The following KAZN variants were observed in gnomAD, a reference collection of about 807,000 sequenced individuals.
KAZN encodes the protein kazrin, periplakin interacting protein.
A neutral mutation model predicts 87.4 loss-of-function variants in KAZN; 40 were observed. That is an observed-to-expected ratio of 0.46 (90% CI 0.36 to 0.60). The LOEUF is 0.60. Ranked by LOEUF, KAZN falls within the 20% of genes least tolerant of loss-of-function variation. KAZN has a pLI of 0.00. For missense variants in KAZN, 898 were observed against 1,073.9 expected (o/e 0.84, Z 2.29); for synonymous variants, 466 against 458.3 (o/e 1.02, Z -0.22).
intron 1 of KAZN, among the ~76,000 whole-genome samples, chr1:14,882,838 T>C (rs1029660532): frequency 2.6e-5 from 4 of 152,154 alleles, no homozygotes; most frequent in African/African-American, 9.7e-5. Flanking sequence ...ATAACCCCTG[T>C]AAAGTAGGGA....
intron 2 of KAZN, among the ~76,000 whole-genome samples, chr1:14,372,230 T>C (rs1002391786): frequency 2.6e-5 from 4 of 152,230 alleles, no homozygotes; most frequent in African/African-American, 9.6e-5. Context: ...CATATAGCTA[T>C]AGTGTGGTTG....
At chr1:15,005,035 C>G (rs983456296) in intron 2 of KAZN, among the ~76,000 whole-genome samples, 1 of 152,142 alleles carries the variant, frequency 6.6e-6, no homozygotes, top group Non-Finnish European at 1.5e-5. Flanking sequence ...TGAGACCTCA[C>G]AGCCTCATAT....
intron 2 of KAZN, among the ~76,000 whole-genome samples, chr1:14,185,251 A>G (rs1205064756): frequency 6.6e-6 from 1 of 152,212 alleles, no homozygotes; most frequent in Non-Finnish European, 1.5e-5. Context: ...CAAGCAGGGA[A>G]GAAACTCTGA....
In KAZN at chr1:14,997,197, TTTCTTTCATTTA is replaced by T. The variant is rs934480644; in HGVS notation, c.418+36325_418+36336del. ...CACAGACTCTGTTTTCTTTTCTTTC[TTTCTTTCATTTA>T]TTTATTTATTTATTTATTTATTTAT... is the stretch of plus-strand genomic sequence containing the variant. On this transcript the variant is annotated intron_variant, in intron 2 of 14. Transcript: ENST00000376030. Among the ~76,000 whole-genome samples, 256 of 129,566 alleles carry T rather than the reference TTTCTTTCATTTA, an allele frequency of 2.0e-3. 2 individuals are homozygous for T. The highest frequency in any genetic ancestry group is 7.1e-3 in the East Asian group (33 of 4,654). 85.0% of individuals were successfully genotyped at this position (129,566 alleles called of 152,430 possible). A position where few individuals can be genotyped will look rare whatever the true frequency, so the allele number is the denominator to read the frequency against.
At chr1:14,903,573 G>A (rs1197806474) in intron 1 of KAZN, among the ~76,000 whole-genome samples, 1 of 152,190 alleles carries the variant, frequency 6.6e-6, no homozygotes, top group African/African-American at 2.4e-5. Context: ...AGGAGGCCGA[G>A]AATGTAAGGC....
At chr1:14,269,892 T>A (rs991115988) in intron 2 of KAZN, among the ~76,000 whole-genome samples, 15 of 152,212 alleles carry the variant, frequency 9.9e-5, no homozygotes, top group African/African-American at 3.6e-4. Flanking sequence ...GTTCATAGTA[T>A]CTCTGTCTGA....
At chr1:14,632,752 G>A (rs550205999) in intron 1 of KAZN, among the ~76,000 whole-genome samples, 17 of 152,042 alleles carry the variant, frequency 1.1e-4, no homozygotes, top group African/African-American at 4.1e-4. Context: ...ATTTCATCCC[G>A]CAGGTACCCT....
chr1:14,758,049 A>C (rs930157049), intron 1 of KAZN, among the ~76,000 whole-genome samples: 2 of 152,216 alleles, frequency 1.3e-5, no homozygotes, highest in Non-Finnish European at 2.9e-5. Context: ...CAACACAGGT[A>C]GATGGAATGG....
At chr1:14,899,400 C>T (rs1241267263) in intron 1 of KAZN, among the ~76,000 whole-genome samples, 5 of 152,098 alleles carry the variant, frequency 3.3e-5, no homozygotes, top group African/African-American at 9.7e-5. Flanking sequence ...TAGCTGCTGC[C>T]GGGACCTGAG....
At chr1:14,762,292 G>A (rs77126027) in intron 1 of KAZN, among the ~76,000 whole-genome samples, 151 of 152,286 alleles carry the variant, frequency 9.9e-4, no homozygotes, top group African/African-American at 3.6e-3. Flanking sequence ...CCTGGCCAGG[G>A]AGTGTTGAGA....
At chr1:14,431,254 A>C (rs754745634) in intron 2 of KAZN, among the ~76,000 whole-genome samples, 1 of 152,208 alleles carries the variant, frequency 6.6e-6, no homozygotes, top group Non-Finnish European at 1.5e-5. Flanking sequence ...TTTCTCATTT[A>C]ATCCTCAGAG....
At chr1:13,905,729 A>C (rs1639412870) in intron 1 of KAZN, among the ~76,000 whole-genome samples, 1 of 152,142 alleles carries the variant, frequency 6.6e-6, no homozygotes, top group African/African-American at 2.4e-5. Flanking sequence ...GAACAGCCAA[A>C]ATCTTAGTGT....
intron 1 of KAZN, among the ~76,000 whole-genome samples, chr1:14,754,851 A>G (rs1274216493): frequency 6.6e-6 from 1 of 152,068 alleles, no homozygotes; most frequent in Non-Finnish European, 1.5e-5. Context: ...GTGTGACCTT[A>G]TTCAGGTGAC....
chr1:14,532,435 C>G (rs995926364), intron 2 of KAZN, among the ~76,000 whole-genome samples: 1 of 146,880 alleles, frequency 6.8e-6, no homozygotes, highest in Non-Finnish European at 1.5e-5. Flanking sequence ...AACTGCTTTC[C>G]TGGTCAAAAA....
chr1:15,061,314 G>T (rs1573224498), intron 6 of KAZN: 1 of 152,112 alleles, frequency 6.6e-6, no homozygotes, highest in Non-Finnish European at 1.5e-5. Context: ...CGTAATTATG[G>T]AACCATTTTT....
At chr1:14,373,084 TAAAA>T (rs1660632790) in intron 2 of KAZN, among the ~76,000 whole-genome samples, 1 of 151,906 alleles carries the variant, frequency 6.6e-6, no homozygotes, top group Admixed American at 6.6e-5. Flanking sequence ...CTATAATTCA[TAAAA>T]AGAAAGCTGG....
At chr1:14,889,123 A>C (rs1190010318) in intron 1 of KAZN, among the ~76,000 whole-genome samples, 1 of 152,228 alleles carries the variant, frequency 6.6e-6, no homozygotes, top group East Asian at 1.9e-4. Context: ...CATGGGTTAG[A>C]CAAGCTTGCA....
chr1:14,422,495 C>A (rs1383492557), intron 2 of KAZN, among the ~76,000 whole-genome samples: 2 of 152,220 alleles, frequency 1.3e-5, no homozygotes, highest in East Asian at 3.8e-4. Flanking sequence ...AAGTGATGTT[C>A]ACTAAGCAGT....
chr1:14,129,919 T>C (rs1644956360), intron 1 of KAZN, among the ~76,000 whole-genome samples: 1 of 152,116 alleles, frequency 6.6e-6, no homozygotes, highest in Admixed American at 6.5e-5. Flanking sequence ...AAGAGTAAAT[T>C]AAAAGAAAAG....
Sources: allele counts gnomAD v4.1 joint callset (sites outside exome capture counted in the v4.1 genomes callset), GRCh38; gene constraint gnomAD v4.1.1; transcripts MANE v1.5; gene names NCBI Gene and HGNC (gene_info 2026-07-23, HGNC 2026-07-21).